The following BFSP1 variants were observed in gnomAD, a reference collection of about 807,000 sequenced individuals.
BFSP1 encodes beaded filament structural protein 1.
In BFSP1, 38 loss-of-function variants were observed where a neutral mutation model predicts 43.9. The observed-to-expected ratio is 0.87, with a 90% CI of 0.67 to 1.14. BFSP1 has a LOEUF of 1.14. Ranked by LOEUF, BFSP1 falls within the 50% of genes most tolerant of loss-of-function variation. The pLI, the probability that BFSP1 is intolerant of heterozygous loss-of-function variation, is 0.00. For synonymous variants in BFSP1, 352 were observed against 354.8 expected, an observed-to-expected ratio of 0.99 and a Z score of 0.09; for missense variants, 850 against 875.1, an observed-to-expected ratio of 0.97 and a Z score of 0.36.
chr20:17,506,655 G>C (rs2033945599), intron 5 of BFSP1, among the ~76,000 whole-genome samples: 1 of 151,304 alleles, frequency 6.6e-6, no homozygotes, highest in African/African-American at 2.4e-5. Flanking sequence ...TTCCTAAGTA[G>C]CTGGAACCAC....
intron 1 of BFSP1, among the ~76,000 whole-genome samples, chr20:17,567,004 T>A (rs369354813): frequency 6.6e-6 from 1 of 152,192 alleles, no homozygotes; most frequent in Non-Finnish European, 1.5e-5. Context: ...TCTGCTCTCA[T>A]GGCCTAATCG....
chr20:17,548,180 C>CAAAAAAAAAAA (rs11470598), intron 1 of BFSP1, among the ~76,000 whole-genome samples: 22 of 119,850 alleles, frequency 1.8e-4, no homozygotes, highest in East Asian at 5.6e-4. Context: ...GAAAATAATG[C>CAAAAAAAAAAA]AAAAAAAAAA....
intron 1 of BFSP1, among the ~76,000 whole-genome samples, chr20:17,536,579 A>C (rs929318102): frequency 6.6e-6 from 1 of 152,232 alleles, no homozygotes; most frequent in African/African-American, 2.4e-5. Context: ...ACAGTTTCAA[A>C]ATTTTTTAAT....
At chr20:17,517,139 G>T (rs1438311126) in intron 2 of BFSP1, 5 of 800,042 alleles carry the variant, frequency 6.2e-6, no homozygotes, top group Non-Finnish European at 1.1e-5. Flanking sequence ...AGATTAAGCT[G>T]GCTGTCCTGA....
chr20:17,518,859 A>G (rs1477967902), intron 2 of BFSP1, among the ~76,000 whole-genome samples: 3 of 152,218 alleles, frequency 2.0e-5, no homozygotes, highest in Non-Finnish European at 4.4e-5. Flanking sequence ...ATTGGCCAGC[A>G]TGGGTCACAT....
At position 17,541,755 on chromosome 20, in the gene BFSP1, G is replaced by A. The variant is rs532258222; in HGVS notation, c.3-16847C>T. Among the ~76,000 whole-genome samples the A allele has an allele frequency of 2.0e-4, 31 of 152,290 alleles. 1 individual carries two copies. The South Asian group carries it at 6.4e-3, about 32-fold the overall frequency. ...ATTACAAAGCGTAGCATCCAAGTTG[G>A]ATATGGGTTGCTTATTTTGTTCTGT... is the stretch of plus-strand genomic sequence containing the variant. On this transcript the variant is annotated intron_variant, in intron 1 of 7. Transcript: ENST00000377868.
intron 1 of BFSP1, among the ~76,000 whole-genome samples, chr20:17,549,091 G>A (rs2034853566): frequency 1.3e-5 from 2 of 152,174 alleles, no homozygotes; most frequent in Non-Finnish European, 2.9e-5. Context: ...GATTATAGGT[G>A]TGAGCCACTA....
Position 17,540,191 on chromosome 20 carries a change from G to A in BFSP1, c.3-15283C>T, listed in dbSNP as rs565153445. Among the ~76,000 whole-genome samples, 4 of 151,924 alleles carry A rather than the reference G, an allele frequency of 2.6e-5. No homozygotes were observed. The South Asian group carries it at 8.4e-4, about 32-fold the overall frequency. On this transcript the variant is annotated intron_variant, in intron 1 of 7. Coordinates refer to the BFSP1 transcript ENST00000377868. Reference sequence around the variant, plus strand: ...ACCATCTGACTTGTTAGTTCATTTGGTAAGGAGCTACAAGTGATGTGAATA... The same window carrying A: ...ACCATCTGACTTGTTAGTTCATTTGATAAGGAGCTACAAGTGATGTGAATA...
Position 17,499,402 on chromosome 20 carries a change from G to GA in BFSP1, c.736-363_736-362insT, listed in dbSNP as rs1568681697. The stretch of plus-strand genomic sequence containing the variant: ...CTACAGGCAAGCACCAACATGCTGG[G>GA]CTTTTTTTTTTTTTTTTTTTTTTTG... On this transcript the variant is annotated intron_variant, in intron 5 of 7. Coordinates refer to ENST00000377873, the MANE Select transcript of BFSP1 (RefSeq NM_001195.5). 3.0e-3 allele frequency among the ~76,000 whole-genome samples: 385 copies of GA among 129,656 alleles called. 1 individual carries two copies. The highest frequency in any genetic ancestry group is 0.01 in the African/African-American group (371 of 36,216). The allele number at this position is 129,656 out of a possible 152,430, so 85.1% of individuals were successfully genotyped here.
chr20:17,520,210 G>GCGCCCCCCCCCCCC (rs201615265), intron 2 of BFSP1, among the ~76,000 whole-genome samples: 2 of 133,356 alleles, frequency 1.5e-5, no homozygotes, highest in African/African-American at 6.0e-5. Context: ...GTTTTAACGT[G>GCGCCCCCCCCCCCC]CCCCCCCACC....
rs150736032 is a variant in BFSP1, at chr20:17,508,967, G to A, written c.657C>T (p.Ala219=). 296 of 1,600,568 alleles carry A rather than the reference G, an allele frequency of 1.8e-4. 1 individual carries two copies. The South Asian group carries it at 2.8e-3, about 15-fold the overall frequency. ...CCTCCTCCAGCTGACTCCGCAGGGCGGCCACCTCCCGCTCCGTCAGGAGCT... is the reference window on the plus strand; with the variant it reads ...CCTCCTCCAGCTGACTCCGCAGGGCAGCCACCTCCCGCTCCGTCAGGAGCT... ...EEKLLTEREV[A]ALRSQLEEGR... is the part of the protein sequence containing the mutation. Residue 219 remains alanine, a synonymous_variant, in exon 5 of 8, where the codon GCC becomes GCT. Transcript: ENST00000377873.
At chr20:17,564,106 G>A (rs2122132619) in intron 1 of BFSP1, among the ~76,000 whole-genome samples, 1 of 152,088 alleles carries the variant, frequency 6.6e-6, no homozygotes, top group East Asian at 1.9e-4. Context: ...GCGGAGGCAG[G>A]AGGATCACTT....
chr20:17,559,400 T>A (rs1242562210), upstream of BFSP1, among the ~76,000 whole-genome samples: 4 of 152,208 alleles, frequency 2.6e-5, no homozygotes, highest in Non-Finnish European at 5.9e-5. Flanking sequence ...CAGTATCTCT[T>A]CTGTGGAGTG....
intron 1 of BFSP1, among the ~76,000 whole-genome samples, chr20:17,539,605 A>G (rs373009753): frequency 1.3e-5 from 2 of 151,802 alleles, no homozygotes; most frequent in Non-Finnish European, 2.9e-5. Flanking sequence ...AATAATAATA[A>G]TACAAAAAAT....
intron 1 of BFSP1, among the ~76,000 whole-genome samples, chr20:17,545,628 A>G (rs2034787350): frequency 6.6e-6 from 1 of 152,256 alleles, no homozygotes; most frequent in South Asian, 2.1e-4. Context: ...GTCACAACCC[A>G]TGGTCCTAAG....
At chr20:17,505,142 T>C (rs2033903319) in intron 5 of BFSP1, among the ~76,000 whole-genome samples, 2 of 152,192 alleles carry the variant, frequency 1.3e-5, no homozygotes, top group Admixed American at 6.5e-5. Context: ...TCCTTTCCTC[T>C]CCACCTGTCC....
intron 1 of BFSP1, among the ~76,000 whole-genome samples, chr20:17,538,423 A>C (rs1488419174): frequency 6.6e-6 from 1 of 152,224 alleles, no homozygotes; most frequent in Non-Finnish European, 1.5e-5. Context: ...TTGTAACAAA[A>C]GAAAAAGTTA....
intron 2 of BFSP1, among the ~76,000 whole-genome samples, chr20:17,516,684 T>G (rs964747048): frequency 1.3e-5 from 2 of 152,192 alleles, no homozygotes; most frequent in African/African-American, 4.8e-5. Flanking sequence ...AACTCAAACT[T>G]CTGAAGCTCT....
chr20:17,558,243 A>G (rs2035027810), intron 1 of BFSP1, among the ~76,000 whole-genome samples: 1 of 152,074 alleles, frequency 6.6e-6, no homozygotes, highest in Admixed American at 6.6e-5. Context: ...ACATTAGCCA[A>G]AAAGACTCTG....
Sources: allele counts gnomAD v4.1 joint callset (sites outside exome capture counted in the v4.1 genomes callset), GRCh38; gene constraint gnomAD v4.1.1; transcripts MANE v1.5; gene names NCBI Gene and HGNC (gene_info 2026-07-23, HGNC 2026-07-21).